The following DLEU7 variants were observed in gnomAD, a reference collection of about 807,000 sequenced individuals.
DLEU7 encodes the protein leukemia-associated protein 7.
In DLEU7, 17 loss-of-function variants were observed where a neutral mutation model predicts 16.0. The ratio of observed to expected loss-of-function variants is 1.06; its 90% CI spans 0.73 to 1.59. The LOEUF is 1.59. Ranked by LOEUF, DLEU7 falls within the 40% of genes most tolerant of loss-of-function variation. The pLI is 0.00. For missense variants in DLEU7, 308 were observed against 314.9 expected (o/e 0.98, Z 0.17); for synonymous variants, 113 against 139.8 (o/e 0.81, Z 1.35).
At chr13:50,778,002 T>A (rs913079149) in intron 1 of DLEU7, among the ~76,000 whole-genome samples, 1 of 152,154 alleles carries the variant, frequency 6.6e-6, no homozygotes, top group Non-Finnish European at 1.5e-5. Flanking sequence ...CTCAGGAAGA[T>A]CAAGTGACAA....
intron 1 of DLEU7, among the ~76,000 whole-genome samples, chr13:50,842,259 C>T (rs1877690121): frequency 6.6e-6 from 1 of 152,234 alleles, no homozygotes; most frequent in South Asian, 2.1e-4. Flanking sequence ...TTGGCTTGTA[C>T]AGAATAGCAA....
intron 1 of DLEU7, among the ~76,000 whole-genome samples, chr13:50,729,771 AT>A (rs1417086623): frequency 6.6e-6 from 1 of 152,012 alleles, no homozygotes; most frequent in Non-Finnish European, 1.5e-5. Flanking sequence ...TTTGATTTGC[AT>A]TTCTTTGATG....
chr13:50,792,037 A>G (rs1240457276), intron 1 of DLEU7, among the ~76,000 whole-genome samples: 1 of 152,184 alleles, frequency 6.6e-6, no homozygotes, highest in Non-Finnish European at 1.5e-5. Context: ...GGAAAACTCT[A>G]TCAAGTTTCT....
chr13:50,757,930 T>C (rs558983832), intron 1 of DLEU7, among the ~76,000 whole-genome samples: 4 of 152,102 alleles, frequency 2.6e-5, no homozygotes, highest in Non-Finnish European at 5.9e-5. Context: ...CATCATATCT[T>C]CAGAACAATT....
chr13:50,799,528 T>G (rs1201134117), intron 1 of DLEU7, among the ~76,000 whole-genome samples: 1 of 152,220 alleles, frequency 6.6e-6, no homozygotes, highest in Non-Finnish European at 1.5e-5. Context: ...TAAAAAGCTT[T>G]GACATTGTAG....
At chr13:50,751,195 T>C (rs1473643753) in intron 1 of DLEU7, among the ~76,000 whole-genome samples, 1 of 152,196 alleles carries the variant, frequency 6.6e-6, no homozygotes, top group African/African-American at 2.4e-5. Context: ...TATCACGTGA[T>C]TTTTGTTTTT....
intron 1 of DLEU7, among the ~76,000 whole-genome samples, chr13:50,759,270 A>G (rs1874854314): frequency 6.6e-6 from 1 of 152,224 alleles, no homozygotes; most frequent in East Asian, 1.9e-4. Flanking sequence ...TATCTGACTG[A>G]CATAACATAC....
intron 1 of DLEU7, among the ~76,000 whole-genome samples, chr13:50,831,129 G>T (rs1023038613): frequency 6.6e-6 from 1 of 150,874 alleles, no homozygotes; most frequent in Non-Finnish European, 1.5e-5. Context: ...GGAGGGGAGG[G>T]GAGGGGAGAG....
At chr13:50,830,671 T>C (rs957394512) in intron 1 of DLEU7, among the ~76,000 whole-genome samples, 1 of 152,148 alleles carries the variant, frequency 6.6e-6, no homozygotes, top group African/African-American at 2.4e-5. Context: ...ATCAAAGAAA[T>C]AGCTCTAGTT....
At chr13:50,822,447 G>T (rs2137801091), downstream of DLEU7, among the ~76,000 whole-genome samples, 1 of 150,928 alleles carries the variant, frequency 6.6e-6, no homozygotes. Context: ...AGTCATCATT[G>T]AACAACAAGA....
At chr13:50,739,372 ATGTT>A (rs1874189670) in intron 1 of DLEU7, among the ~76,000 whole-genome samples, 1 of 152,168 alleles carries the variant, frequency 6.6e-6, no homozygotes, top group African/African-American at 2.4e-5. Context: ...CATTCAATAA[ATGTT>A]TGTTGACTGA....
intron 1 of DLEU7, among the ~76,000 whole-genome samples, chr13:50,718,433 C>A (rs1460866100): frequency 6.6e-6 from 1 of 152,142 alleles, no homozygotes; most frequent in African/African-American, 2.4e-5. Flanking sequence ...CTGTGAAGAC[C>A]AAAGGCTCCC....
At chr13:50,770,943 G>A (rs1412275464) in intron 1 of DLEU7, among the ~76,000 whole-genome samples, 1 of 152,124 alleles carries the variant, frequency 6.6e-6, no homozygotes, top group African/African-American at 2.4e-5. Flanking sequence ...CTCAATTTCC[G>A]AGCCTGTTAT....
In DLEU7 at chr13:50,726,429, G is replaced by A. The variant is rs1776745361; in HGVS notation, c.460-13189C>T. On this transcript the variant is annotated intron_variant, in intron 1 of 1. Transcript: ENST00000400393. This position sits in a 1 kb window ranked among gnomAD's most constrained non-coding sequence, Gnocchi z 4.0. ...TGACTTTCCCGCCTCCTCCTTTCACGGAACACAGGCTTCCATTTAACCAGA... is the reference window on the plus strand; with the variant it reads ...TGACTTTCCCGCCTCCTCCTTTCACAGAACACAGGCTTCCATTTAACCAGA... Among the ~76,000 whole-genome samples the A allele has an allele frequency of 2.6e-5, 4 of 151,864 alleles. No individual in the cohort carries two copies. Among genetic ancestry groups the A allele is most frequent in the South Asian group, 4.2e-4 (2 of 4,806 alleles).
intron 1 of DLEU7, among the ~76,000 whole-genome samples, chr13:50,741,795 T>C (rs1874257297): frequency 6.6e-6 from 1 of 152,184 alleles, no homozygotes; most frequent in African/African-American, 2.4e-5. Context: ...TTAAATTAAA[T>C]ATGAATTAAG....
At chr13:50,815,380 G>C (rs961917547) in intron 1 of DLEU7, among the ~76,000 whole-genome samples, 2 of 152,126 alleles carry the variant, frequency 1.3e-5, no homozygotes, top group African/African-American at 4.8e-5. Flanking sequence ...ACTGAAATGA[G>C]GGGAAGGAAA....
rs142725081 is a variant in DLEU7, at chr13:50,843,474, C to A, written c.173G>T (p.Arg58Leu). ...TAPARRSGPP[R>L]ARPGPGREER... is the part of the protein sequence containing the mutation. ...CTCGCGCCCGGGCCCCGGCCGGGCCCGCGGCGGGCCTGAGCGACGGGCTGG... is the reference window on the plus strand; with the variant it reads ...CTCGCGCCCGGGCCCCGGCCGGGCCAGCGGCGGGCCTGAGCGACGGGCTGG... The change falls in exon 1 of 2, where the codon CGG becomes CTG. Residue 58 changes from arginine (R) to leucine (L), a missense_variant. Arg to Leu is a moderately radical substitution (Grantham distance 102, BLOSUM62 -2). Coordinates refer to ENST00000504404, the MANE Select transcript of DLEU7 (RefSeq NM_001306135.2). The surrounding 1 kb of genome is among the most constrained non-coding windows in gnomAD (Gnocchi z 5.7). 1 of 1,330,458 alleles carries A rather than the reference C, an allele frequency of 7.5e-7. No individual in the cohort carries two copies. Among genetic ancestry groups the A allele is most frequent in the East Asian group, 3.1e-5 (1 of 31,926 alleles). The allele number at this position is 1,330,458 out of a possible 1,614,324, so 82.4% of individuals were successfully genotyped here.
downstream of DLEU7, among the ~76,000 whole-genome samples, chr13:50,818,955 A>G (rs1307547290): frequency 6.6e-6 from 1 of 152,216 alleles, no homozygotes; most frequent in Non-Finnish European, 1.5e-5. Flanking sequence ...ATGTAATCAC[A>G]TCTGTTACCA....
At chr13:50,764,764 A>G (rs1158707333) in intron 1 of DLEU7, among the ~76,000 whole-genome samples, 1 of 152,234 alleles carries the variant, frequency 6.6e-6, no homozygotes, top group Non-Finnish European at 1.5e-5. Flanking sequence ...CAGATAGTCC[A>G]TGAAATGCTG....
Sources: gnomAD v4.1 joint callset for allele counts (sites outside exome capture counted in the v4.1 genomes callset) on GRCh38, gnomAD v4.1.1 for gene constraint, Gnocchi (gnomAD v3.1) non-coding constraint, MANE v1.5 for transcripts, NCBI Gene and HGNC (gene_info 2026-07-23, HGNC 2026-07-21) for gene names.